The following ZMIZ1 variants were observed in gnomAD, a reference collection of about 807,000 sequenced individuals.
ZMIZ1 encodes zinc finger MIZ domain-containing protein 1.
Under a neutral mutation model 113.9 loss-of-function variants are expected in ZMIZ1, and 17 were observed. The ratio of observed to expected loss-of-function variants is 0.15; its 90% CI spans 0.10 to 0.22. ZMIZ1 has a LOEUF of 0.22. Ranked by LOEUF, ZMIZ1 falls within the 10% of genes least tolerant of loss-of-function variation. The pLI is 1.00. For missense variants in ZMIZ1, 1,059 were observed against 1,477.8 expected, an observed-to-expected ratio of 0.72 and a Z score of 4.65; for synonymous variants, 607 against 603.1, an observed-to-expected ratio of 1.01 and a Z score of -0.09.
intron 5 of ZMIZ1, among the ~76,000 whole-genome samples, chr10:79,206,055 C>T (rs146561358): frequency 1.7e-4 from 25 of 151,514 alleles, no homozygotes; most frequent in East Asian, 7.8e-4. Flanking sequence ...CTGCAGTGAG[C>T]TATGATCGCA....
intron 7 of ZMIZ1, among the ~76,000 whole-genome samples, chr10:79,275,092 C>A (rs61851415): frequency 1.3e-5 from 2 of 152,226 alleles, no homozygotes; most frequent in African/African-American, 4.8e-5. Context: ...CCAGTGCCCC[C>A]GCACAAGAGG....
intron 1 of ZMIZ1, among the ~76,000 whole-genome samples, chr10:79,095,513 C>G (rs1481188802): frequency 6.6e-6 from 1 of 152,222 alleles, no homozygotes; most frequent in African/African-American, 2.4e-5. Flanking sequence ...GCCATGCGGC[C>G]TTTCCGGGTG....
At chr10:79,217,465 C>T (rs372628072) in intron 7 of ZMIZ1, among the ~76,000 whole-genome samples, 9 of 152,132 alleles carry the variant, frequency 5.9e-5, no homozygotes, top group South Asian at 2.1e-4. Context: ...TACCTAGCAC[C>T]GTGTCTGGAT....
chr10:79,194,254 G>A (rs1233294339), intron 4 of ZMIZ1, among the ~76,000 whole-genome samples: 1 of 152,272 alleles, frequency 6.6e-6, no homozygotes, highest in Non-Finnish European at 1.5e-5. Context: ...GTGCATCTGT[G>A]TTGGCATCCA....
chr10:79,159,647 G>A (rs961474435), intron 3 of ZMIZ1, among the ~76,000 whole-genome samples: 3 of 152,198 alleles, frequency 2.0e-5, no homozygotes, highest in Non-Finnish European at 2.9e-5. Flanking sequence ...GTTTCACTGA[G>A]TGCTAAAGGA....
intron 3 of ZMIZ1, among the ~76,000 whole-genome samples, chr10:79,154,052 G>A (rs1427425064): frequency 3.3e-5 from 5 of 152,226 alleles, no homozygotes; most frequent in African/African-American, 1.2e-4. Flanking sequence ...CGACCTTCCT[G>A]TGCCAATCAT....
intron 3 of ZMIZ1, among the ~76,000 whole-genome samples, chr10:79,149,413 G>A (rs1782284477): frequency 6.6e-6 from 1 of 152,166 alleles, no homozygotes; most frequent in South Asian, 2.1e-4. Context: ...CCCTCACTGG[G>A]TCGGGCTGCC....
At chr10:79,282,554 C>A (rs1386138193) in intron 8 of ZMIZ1, among the ~76,000 whole-genome samples, 2 of 152,214 alleles carry the variant, frequency 1.3e-5, no homozygotes, top group Non-Finnish European at 2.9e-5. Flanking sequence ...CTGCTGCAGG[C>A]TGCAGAGCTT....
chr10:79,129,224 A>ACTGAG (rs1217736981), intron 2 of ZMIZ1, among the ~76,000 whole-genome samples: 1 of 152,194 alleles, frequency 6.6e-6, no homozygotes, highest in African/African-American at 2.4e-5. Flanking sequence ...AGATGAGGAA[A>ACTGAG]CTGAGACACA....
intron 23 of ZMIZ1, among the ~76,000 whole-genome samples, chr10:79,310,621 G>A (rs905759178): frequency 1.3e-5 from 2 of 151,998 alleles, no homozygotes; most frequent in Non-Finnish European, 2.9e-5. Flanking sequence ...AGGTGGAGGG[G>A]CCTGGGGGAG....
chr10:79,265,163 GGA>G, intron 7 of ZMIZ1, among the ~76,000 whole-genome samples: 1 of 152,316 alleles, frequency 6.6e-6, no homozygotes. Flanking sequence ...CAGCCCTTGG[GGA>G]GAGGGGGCGG....
chr10:79,301,044 C>A, intron 17 of ZMIZ1, 102 bp downstream of exon 17: 1 of 1,487,060 alleles, frequency 6.7e-7, no homozygotes, highest in South Asian at 1.3e-5. Context: ...AGCCTTGTCC[C>A]TGCGTCACCA....
At chr10:79,124,593 A>G (rs1008392896) in intron 2 of ZMIZ1, among the ~76,000 whole-genome samples, 22 of 152,192 alleles carry the variant, frequency 1.4e-4, no homozygotes, top group African/African-American at 5.3e-4. Flanking sequence ...TTGAGCTGGG[A>G]GAGCACAGCT....
At chr10:79,163,592 C>T (rs1306025387) in intron 4 of ZMIZ1, among the ~76,000 whole-genome samples, 1 of 152,216 alleles carries the variant, frequency 6.6e-6, no homozygotes, top group African/African-American at 2.4e-5. Context: ...TCCAGAGGCT[C>T]GGCGTGGTTA....
At chr10:79,280,905 A>G (rs962276552) in intron 8 of ZMIZ1, among the ~76,000 whole-genome samples, 3 of 152,196 alleles carry the variant, frequency 2.0e-5, no homozygotes, top group African/African-American at 7.2e-5. Flanking sequence ...TAAGCAGCAT[A>G]CCTTGCAGTT....
At chr10:79,258,708 G>T (rs1212333313) in intron 7 of ZMIZ1, among the ~76,000 whole-genome samples, 1 of 152,206 alleles carries the variant, frequency 6.6e-6, no homozygotes, top group Non-Finnish European at 1.5e-5. Context: ...GGCTCTCCAA[G>T]CCCAGCCCAG....
rs1310719956 is a variant in ZMIZ1, at chr10:79,306,157, C to T, written c.2481C>T (p.Ile827=). ...DPTCSWRPVP[I]KSDLHIKDDP... ...CGTGCAGCTGGCGGCCGGTGCCCAT[C>T]AAGTCGGACTTACACATCAAGGACG... is the stretch of plus-strand genomic sequence containing the variant. Residue 827 remains isoleucine, a synonymous_variant, in exon 22 of 25, where the codon ATC becomes ATT. Transcript: ENST00000334512. 1 of 1,614,092 alleles carries T rather than the reference C, an allele frequency of 6.2e-7. No individual in the cohort carries two copies. Among genetic ancestry groups the T allele is most frequent in the South Asian group, 1.1e-5 (1 of 91,090 alleles).
At position 79,164,100 on chromosome 10, in the gene ZMIZ1, G is replaced by A. The variant is rs117955408; in HGVS notation, c.-50+1967G>A. Among the ~76,000 whole-genome samples, 590 of 152,292 alleles carry A rather than the reference G, an allele frequency of 3.9e-3. 5 individuals are homozygous for A. Among genetic ancestry groups the A allele is most frequent in the African/African-American group, 0.014 (563 of 41,578 alleles). ...AGAAAACCACTCTAAGGCGAGGGTG[G>A]TAATCAATACCTTGGTGTCCTAGAC... On this transcript the variant is annotated intron_variant, in intron 4 of 24. Transcript: ENST00000334512.
At chr10:79,289,738 C>G (rs1385450159) in intron 8 of ZMIZ1, 37 bp from the exon 9 acceptor site, 3 of 1,583,296 alleles carry the variant, frequency 1.9e-6, no homozygotes, top group Non-Finnish European at 2.6e-6. Context: ...TCTGTGCCTG[C>G]CAGGCCCTGA....
Sources: gnomAD v4.1 joint callset for allele counts (sites outside exome capture counted in the v4.1 genomes callset) on GRCh38, gnomAD v4.1.1 for gene constraint, MANE v1.5 for transcripts, NCBI Gene and HGNC (gene_info 2026-07-23, HGNC 2026-07-21) for gene names.